Variants in CYLD observed in about 807,000 individuals in gnomAD.
The protein encoded by CYLD is ubiquitin carboxyl-terminal hydrolase CYLD.
Under a neutral mutation model 104.5 loss-of-function variants are expected in CYLD, and 26 were observed. The observed-to-expected ratio is 0.25, with a 90% confidence interval of 0.18 to 0.35. The LOEUF (loss-of-function observed/expected upper bound fraction) is 0.35, where lower values mean the gene tolerates loss of function less well. CYLD is among the 10% of genes least tolerant of loss of function. The pLI, the probability that CYLD is intolerant of heterozygous loss-of-function variation, is 1.00. For synonymous variants in CYLD, 385 were observed against 399.9 expected (o/e 0.96, Z 0.45); for missense variants, 703 against 1,136.1 (o/e 0.62, Z 5.48).
intron 5 of CYLD, among the ~76,000 whole-genome samples, chr16:50,774,339 C>T (rs1969445152): frequency 6.6e-6 from 1 of 152,176 alleles, no homozygotes; most frequent in Admixed American, 6.5e-5. Flanking sequence ...TCAAGGGATA[C>T]TTCCAAGACC....
intron 15 of CYLD, 74 bp downstream of exon 15, chr16:50,791,764 C>A: frequency 6.6e-7 from 1 of 1,521,836 alleles, no homozygotes; most frequent in Non-Finnish European, 9.1e-7. Context: ...GTTTCAGTAT[C>A]TATTGATTTT....
chr16:50,768,253 T>C (rs1414252357), intron 5 of CYLD, among the ~76,000 whole-genome samples: 1 of 152,158 alleles, frequency 6.6e-6, no homozygotes, highest in Non-Finnish European at 1.5e-5. Flanking sequence ...GCAAATAGAC[T>C]TTAAAAACTA....
chr16:50,758,284 G>A (rs953061388), intron 5 of CYLD, among the ~76,000 whole-genome samples: 9 of 152,162 alleles, frequency 5.9e-5, no homozygotes, highest in Admixed American at 1.3e-4. Flanking sequence ...CGCAGCCAGC[G>A]TGGCCAGTTT....
At chr16:50,754,805 C>T (rs984047440) in intron 5 of CYLD, among the ~76,000 whole-genome samples, 1 of 151,442 alleles carries the variant, frequency 6.6e-6, no homozygotes, top group Non-Finnish European at 1.5e-5. Flanking sequence ...CTGTGAATGC[C>T]ATTATTTCAT....
chr16:50,762,776 C>T (rs1968097739), intron 5 of CYLD, among the ~76,000 whole-genome samples: 1 of 152,088 alleles, frequency 6.6e-6, no homozygotes, highest in South Asian at 2.1e-4. Flanking sequence ...TAATTTTCTC[C>T]ATGAAGAGCT....
chr16:50,750,580 T>C (rs1334640168), intron 3 of CYLD, among the ~76,000 whole-genome samples: 1 of 152,228 alleles, frequency 6.6e-6, no homozygotes, highest in African/African-American at 2.4e-5. Context: ...TAATTTCTTT[T>C]GTTTACTTTT....
rs767822696 is a variant in CYLD, at chr16:50,777,883, G to A, written c.1080G>A (p.Gly360=). 6.2e-7 allele frequency: 1 copy of A among 1,609,664 alleles called. No homozygotes were observed. The highest frequency in any genetic ancestry group is 1.1e-5 in the South Asian group (1 of 90,970). The stretch of plus-strand genomic sequence containing the variant: ...CTGAATTATTTTATACCTTAAATGG[G>A]TCTTCTGTTGACTCACAACCACAAT... ...NRSELFYTLN[G]SSVDSQPQSK... is the part of the protein sequence containing the mutation. Residue 360 remains glycine, a synonymous_variant, in exon 8 of 19, where the codon GGG becomes GGA. Coordinates refer to ENST00000427738, the MANE Select transcript of CYLD (RefSeq NM_001378743.1).
intron 5 of CYLD, among the ~76,000 whole-genome samples, chr16:50,763,362 T>C (rs940307627): frequency 6.6e-6 from 1 of 152,184 alleles, no homozygotes; most frequent in Non-Finnish European, 1.5e-5. Context: ...GGACATATGC[T>C]TTTGTTTCTC....
chr16:50,791,482 G>T (rs531261948), intron 14 of CYLD, 76 bp from the exon 15 acceptor site: 513 of 1,525,462 alleles, frequency 3.4e-4, no homozygotes, highest in Non-Finnish European at 4.2e-4. Context: ...CTCAAATACT[G>T]CTGGGACAAC....
intron 12 of CYLD, chr16:50,786,062 G>A (rs1471759728): frequency 6.6e-6 from 1 of 152,204 alleles, no homozygotes. Context: ...CTGATTGAAT[G>A]TGTCTTGCAT....
intron 12 of CYLD, 81 bp from the exon 13 acceptor site, chr16:50,786,773 AG>A: frequency 2.8e-6 from 3 of 1,089,632 alleles, no homozygotes; most frequent in African/African-American, 1.6e-5. Flanking sequence ...AAAAAAAAAA[AG>A]AAAAAAAGAA....
At position 50,794,500 on chromosome 16, in the gene CYLD, C is replaced by T. The variant is rs762296076; in HGVS notation, c.2686+72C>T. ...GTAGTGGGACAGTTTGTAGTGGGATCGCCTGTTCTGAGTGATATTTTCTGA... is the reference window on the plus strand; with the variant it reads ...GTAGTGGGACAGTTTGTAGTGGGATTGCCTGTTCTGAGTGATATTTTCTGA... On this transcript the variant is annotated intron_variant, in intron 18 of 18. Transcript: ENST00000427738. This position sits in a 1 kb window ranked among gnomAD's most constrained non-coding sequence, Gnocchi z 4.1. The T allele has an allele frequency of 1.2e-5, 17 of 1,364,058 alleles. No individual in the cohort carries two copies. The highest frequency in any genetic ancestry group is 6.9e-5 in the East Asian group (3 of 43,742). The allele number at this position is 1,364,058 out of a possible 1,614,324, so 84.5% of individuals were successfully genotyped here. A position where few individuals can be genotyped will look rare whatever the true frequency, so the allele number is the denominator to read the frequency against.
At position 50,779,677 on chromosome 16, in the gene CYLD, C is replaced by T. The variant is rs956627984; in HGVS notation, c.1151C>T (p.Pro384Leu). Residue 384 changes from proline to leucine, a missense_variant, in exon 9 of 19, where the codon CCT (proline) becomes CTT (leucine). This residue lies in a region of CYLD where 183 missense variants were observed against 212.1 expected (regional missense o/e 0.86). Coordinates refer to ENST00000427738, the MANE Select transcript of CYLD (RefSeq NM_001378743.1). Reference sequence around the variant, plus strand: ...AATAATTTTTTAGTTGCAGAAGACCCTGCAAAATCTCTTACAGAGATATCT... The same window carrying T: ...AATAATTTTTTAGTTGCAGAAGACCTTGCAAAATCTCTTACAGAGATATCT... ...TWYIDEVAEDPAKSLTEISTD... is the reference protein window; with the variant it reads ...TWYIDEVAEDLAKSLTEISTD... 6.2e-7 allele frequency: 1 copy of T among 1,613,888 alleles called. No homozygotes were observed. Among genetic ancestry groups the T allele is most frequent in the Non-Finnish European group, 8.5e-7 (1 of 1,179,928 alleles).
rs1596999994 is a variant in CYLD at position 50,759,181 on chromosome 16, G to A, written c.913+4757G>A. ...CGCTTGAACCTGGGAGGTGGAGGTT[G>A]CAGTGAGCTGAGATTGTGCCATTGC... On this transcript the variant is annotated intron_variant, in intron 5 of 18. Transcript: ENST00000427738. Among the ~76,000 whole-genome samples, 4 of 152,342 alleles carry A rather than the reference G, an allele frequency of 2.6e-5. No individual in the cohort carries two copies. In the South Asian group the frequency reaches 8.3e-4, roughly 32 times the overall value.
chr16:50,794,982 T>C lies in CYLD; in HGVS notation c.2686+554T>C, dbSNP rs1971863508. 6.0e-6 allele frequency: 1 copy of C among 166,864 alleles called. No individual in the cohort carries two copies. The highest frequency in any genetic ancestry group is 5.7e-5 in the Admixed American group (1 of 17,630). The allele number at this position is 166,864 out of a possible 1,614,324, so 10.3% of individuals were successfully genotyped here. On this transcript the variant is annotated intron_variant, in intron 18 of 18. Coordinates refer to ENST00000427738, the MANE Select transcript of CYLD (RefSeq NM_001378743.1). The surrounding 1 kb of genome is among the most constrained non-coding windows in gnomAD (Gnocchi z 4.1). ...TTAAAAAAAAGAATCCTAAAATTCTTATTTCAGCCCTGAGGGATCTTATTT... is the reference window on the plus strand; with the variant it reads ...TTAAAAAAAAGAATCCTAAAATTCTCATTTCAGCCCTGAGGGATCTTATTT...
chr16:50,747,905 G>T (rs1184763450), intron 2 of CYLD, among the ~76,000 whole-genome samples: 3 of 152,162 alleles, frequency 2.0e-5, no homozygotes, highest in African/African-American at 7.2e-5. Context: ...TCCTGTCTTG[G>T]CTAAACCACA....
intron 8 of CYLD, among the ~76,000 whole-genome samples, chr16:50,778,517 AGAT>A (rs750274147): frequency 6.6e-6 from 1 of 152,216 alleles, no homozygotes; most frequent in Non-Finnish European, 1.5e-5. Flanking sequence ...AATACACCAA[AGAT>A]GATTTTTCTC....
intron 14 of CYLD, among the ~76,000 whole-genome samples, chr16:50,789,864 C>A (rs1281119696): frequency 6.6e-6 from 1 of 152,108 alleles, no homozygotes; most frequent in Non-Finnish European, 1.5e-5. Context: ...TAACCAAAGA[C>A]AGAATCTCCA....
In CYLD at chr16:50,750,176, G is replaced by A. The variant is rs1209659369; in HGVS notation, c.478G>A (p.Gly160Arg). 1.9e-6 allele frequency: 3 copies of A among 1,613,876 alleles called. No individual in the cohort carries two copies. The highest frequency in any genetic ancestry group is 2.2e-5 in the East Asian group (1 of 44,880). The change falls in exon 3 of 19, where the codon GGA (glycine) becomes AGA (arginine). Residue 160 changes from glycine (G) to arginine (R), a missense_variant. This residue lies in a region of CYLD where 123 missense variants were observed against 213.3 expected (regional missense o/e 0.58). Transcript: ENST00000427738. ...CCTGTTAGCAGAGAGGACAGTCTCC[G>A]GAATATTCTTTGGAGTTGAATTGCT... ...GPLLAERTVS[G>R]IFFGVELLEE...
Sources: gnomAD v4.1 joint callset for allele counts (sites outside exome capture counted in the v4.1 genomes callset) on GRCh38, gnomAD v4.1.1 for gene constraint, gnomAD v4.1.1 regional missense constraint, Gnocchi (gnomAD v3.1) non-coding constraint, MANE v1.5 for transcripts, NCBI Gene and HGNC (gene_info 2026-07-23, HGNC 2026-07-21) for gene names.